The following OR14I1 variants were observed in gnomAD, a reference collection of about 807,000 sequenced individuals.
OR14I1 encodes the protein olfactory receptor family 14 subfamily I member 1.
For missense variants in OR14I1, 279 were observed against 181.8 expected (o/e 1.53, Z -3.07); for synonymous variants, 118 against 71.1 (o/e 1.66, Z -3.32).
upstream of OR14I1, among the ~76,000 whole-genome samples, chr1:248,686,158 AGTCT>A (rs1461030626): frequency 2.6e-5 from 4 of 152,220 alleles, no homozygotes; most frequent in African/African-American, 7.2e-5. Flanking sequence ...CCTGCTTCCA[AGTCT>A]GTCTATTTTA....
chr1:248,691,321 C>T, the OR14I1 span, among the ~76,000 whole-genome samples: 11 of 152,294 alleles, frequency 7.2e-5, no homozygotes, highest in African/African-American at 2.4e-4. Flanking sequence ...CCTGTCCTTT[C>T]AAAGTGTTCA....
downstream of OR14I1, among the ~76,000 whole-genome samples, chr1:248,680,564 C>T (rs914392787): frequency 6.6e-5 from 10 of 152,200 alleles, no homozygotes; most frequent in African/African-American, 2.2e-4. Flanking sequence ...AAGGGACTCA[C>T]GCTCAGGTGT....
the OR14I1 span, chr1:248,698,893 C>G: frequency 6.6e-6 from 1 of 152,164 alleles, no homozygotes; most frequent in Admixed American, 6.5e-5. Flanking sequence ...TGAAGAGATG[C>G]ACACAAGCAG....
chr1:248,688,562 G>A, the OR14I1 span, among the ~76,000 whole-genome samples: 3 of 152,216 alleles, frequency 2.0e-5, no homozygotes, highest in Non-Finnish European at 4.4e-5. Context: ...TATTTTGTGT[G>A]CCTGACTCAC....
downstream of OR14I1, among the ~76,000 whole-genome samples, chr1:248,679,492 T>G (rs1447671591): frequency 6.6e-6 from 1 of 152,094 alleles, no homozygotes; most frequent in Non-Finnish European, 1.5e-5. Flanking sequence ...CTACTTAATA[T>G]TAAAAGGGAT....
At position 248,681,580 on chromosome 1, in the gene OR14I1, TG is replaced by T; in HGVS notation, c.724del (p.Gln242SerfsTer17). On this transcript the variant is annotated frameshift_variant, in exon 1 of 1. Coordinates refer to ENST00000342623, the Ensembl canonical transcript of OR14I1. LOFTEE classifies it low-confidence loss of function (END_TRUNC). ...AAGAAAGAGCATGATGACAATGAGC[TG>T]GGGGGAGCAGGTGGAGAAGGCTTTT... 1 of 780,926 alleles carries T rather than the reference TG, an allele frequency of 1.3e-6. No individual in the cohort carries two copies. Among genetic ancestry groups the T allele is most frequent in the Middle Eastern group, 2.3e-4 (1 of 4,440 alleles). The allele number at this position is 780,926 out of a possible 1,614,324, so 48.4% of individuals were successfully genotyped here.
At chr1:248,695,265 G>A in the OR14I1 span, among the ~76,000 whole-genome samples, 1 of 129,472 alleles carries the variant, frequency 7.7e-6, no homozygotes, top group African/African-American at 3.0e-5. Flanking sequence ...AGGGAGTCTC[G>A]CTCTGTCGCC....
At chr1:248,681,584 G>T in exon 1 of OR14I1, 1 of 781,026 alleles carries the variant, frequency 1.3e-6, no homozygotes, top group Non-Finnish European at 2.4e-6. Flanking sequence ...ATGAGCTGGG[G>T]GGAGCAGGTG....
the OR14I1 span, among the ~76,000 whole-genome samples, chr1:248,699,661 C>T: frequency 3.3e-5 from 5 of 152,136 alleles, no homozygotes; most frequent in Non-Finnish European, 5.9e-5. Flanking sequence ...TGAGGACAGG[C>T]CAGCTCTGTG....
chr1:248,699,419 T>C, the OR14I1 span, among the ~76,000 whole-genome samples: 12 of 152,104 alleles, frequency 7.9e-5, no homozygotes, highest in Non-Finnish European at 1.6e-4. Flanking sequence ...TAAGGAAAGA[T>C]TGGGATTTTA....
the OR14I1 span, among the ~76,000 whole-genome samples, chr1:248,695,704 G>A: frequency 6.6e-6 from 1 of 152,154 alleles, no homozygotes; most frequent in South Asian, 2.1e-4. Context: ...CAGCTCCCAG[G>A]CCTCAGCACT....
chr1:248,686,113 G>A (rs191041702), upstream of OR14I1, among the ~76,000 whole-genome samples: 563 of 152,174 alleles, frequency 3.7e-3, 1 homozygote, highest in Non-Finnish European at 6.3e-3. Flanking sequence ...ATTTTTAACC[G>A]TAAAGCATAT....
chr1:248,690,153 T>A, the OR14I1 span, among the ~76,000 whole-genome samples: 2 of 151,630 alleles, frequency 1.3e-5, no homozygotes, highest in Non-Finnish European at 2.9e-5. Flanking sequence ...CACCCTAACA[T>A]CAAAATTAAA....
upstream of OR14I1, among the ~76,000 whole-genome samples, chr1:248,685,981 A>T (rs1370358334): frequency 6.6e-6 from 1 of 152,036 alleles, no homozygotes; most frequent in African/African-American, 2.4e-5. Flanking sequence ...AATATTAGGC[A>T]AATTGATGTG....
chr1:248,689,923 T>G, the OR14I1 span, among the ~76,000 whole-genome samples: 1 of 152,148 alleles, frequency 6.6e-6, no homozygotes, highest in South Asian at 2.1e-4. Context: ...ATTAAGAAAC[T>G]CACTCAGCAC....
upstream of OR14I1, chr1:248,682,409 A>C (rs1661583945): frequency 1.2e-5 from 7 of 602,800 alleles, no homozygotes; most frequent in East Asian, 1.6e-4. Flanking sequence ...CTCCTAAATT[A>C]AATTCAATCC....
chr1:248,680,473 T>C (rs1410136997), downstream of OR14I1, among the ~76,000 whole-genome samples: 1 of 152,080 alleles, frequency 6.6e-6, no homozygotes, highest in Non-Finnish European at 1.5e-5. Flanking sequence ...CCTCTTCCCA[T>C]CCCATCAAGT....
chr1:248,691,565 G>C, the OR14I1 span, among the ~76,000 whole-genome samples: 21 of 152,348 alleles, frequency 1.4e-4, no homozygotes, highest in East Asian at 3.9e-3. Flanking sequence ...AGACATTCCA[G>C]CTCCTCCAAG....
chr1:248,698,786 A>G, the OR14I1 span: 1 of 152,350 alleles, frequency 6.6e-6, no homozygotes, highest in Non-Finnish European at 1.5e-5. Context: ...ACTCCAGCCC[A>G]GTCTGTATGA....
Sources: allele counts gnomAD v4.1 joint callset (sites outside exome capture counted in the v4.1 genomes callset), GRCh38; gene constraint gnomAD v4.1.1; transcripts MANE v1.5; gene names NCBI Gene and HGNC (gene_info 2026-07-23, HGNC 2026-07-21).